PRIM2: variants seen among roughly 807,000 people sequenced by gnomAD.
The protein encoded by PRIM2 is DNA primase large subunit.
A neutral mutation model predicts 67.3 loss-of-function variants in PRIM2; 39 were observed. The ratio of observed to expected loss-of-function variants is 0.58; its 90% CI spans 0.45 to 0.76. The LOEUF (loss-of-function observed/expected upper bound fraction) is 0.76. Among genes scored for constraint, PRIM2 ranks in the 30% least tolerant of loss-of-function variants. The pLI, the probability that PRIM2 is intolerant of heterozygous loss-of-function variation, is 0.00. For missense variants in PRIM2, 398 were observed against 598.7 expected (o/e 0.66, Z 3.50); for synonymous variants, 143 against 198.7 (o/e 0.72, Z 2.36).
At chr6:57,422,408 A>G (rs998921434) in intron 7 of PRIM2, among the ~76,000 whole-genome samples, 2 of 152,040 alleles carry the variant, frequency 1.3e-5, no homozygotes, top group Non-Finnish European at 2.9e-5. Context: ...AAGTGCTGGG[A>G]TTACAGGTGT....
At chr6:57,439,563 C>G (rs969583926) in intron 7 of PRIM2, among the ~76,000 whole-genome samples, 1 of 151,316 alleles carries the variant, frequency 6.6e-6, no homozygotes, top group Non-Finnish European at 1.5e-5. Context: ...TTACAGGCAC[C>G]CGCCACCACG....
intron 7 of PRIM2, among the ~76,000 whole-genome samples, chr6:57,403,127 AG>A (rs1770767459): frequency 6.6e-6 from 1 of 152,142 alleles, no homozygotes; most frequent in Non-Finnish European, 1.5e-5. Flanking sequence ...GAAATATTTT[AG>A]GTTTTTGATA....
intron 7 of PRIM2, among the ~76,000 whole-genome samples, chr6:57,414,250 G>A (rs1408908821): frequency 6.6e-6 from 1 of 152,068 alleles, no homozygotes; most frequent in Non-Finnish European, 1.5e-5. Flanking sequence ...ATGCACAAAT[G>A]ATACTTATTT....
intron 7 of PRIM2, among the ~76,000 whole-genome samples, chr6:57,465,897 A>T (rs1254837949): frequency 6.6e-6 from 1 of 151,886 alleles, no homozygotes; most frequent in Non-Finnish European, 1.5e-5. Flanking sequence ...AGGTATACAC[A>T]TATCATGGTG....
the PRIM2 span, among the ~76,000 whole-genome samples, chr6:57,227,400 T>C: frequency 6.6e-6 from 1 of 152,188 alleles, no homozygotes; most frequent in Admixed American, 6.5e-5. Context: ...TCCCAGCACT[T>C]TGGGAGGCCA....
chr6:57,471,716 C>G (rs1327766742), intron 7 of PRIM2, among the ~76,000 whole-genome samples: 1 of 152,028 alleles, frequency 6.6e-6, no homozygotes, highest in Admixed American at 6.6e-5. Context: ...CATCTTTTTA[C>G]TTTTGTAAAG....
At chr6:57,268,972 T>C in the PRIM2 span, among the ~76,000 whole-genome samples, 1 of 151,920 alleles carries the variant, frequency 6.6e-6, no homozygotes, top group South Asian at 2.1e-4. Flanking sequence ...CTCATCATTT[T>C]TTATGGCTGC....
chr6:57,346,606 C>T (rs1768686676), intron 5 of PRIM2, among the ~76,000 whole-genome samples: 1 of 152,194 alleles, frequency 6.6e-6, no homozygotes, highest in Non-Finnish European at 1.5e-5. Context: ...GCGTGAGTCA[C>T]CACGCCCAGC....
intron 7 of PRIM2, among the ~76,000 whole-genome samples, chr6:57,484,618 C>G (rs1363859524): frequency 3.3e-5 from 5 of 152,108 alleles, no homozygotes; most frequent in Non-Finnish European, 7.4e-5. Context: ...GTTTCAGGGC[C>G]TTAAACTTGG....
chr6:57,533,480 A>G (rs1774934729), intron 9 of PRIM2, among the ~76,000 whole-genome samples: 1 of 152,216 alleles, frequency 6.6e-6, no homozygotes, highest in Non-Finnish European at 1.5e-5. Flanking sequence ...ATAAAAAAGT[A>G]CTTGCAGTTA....
chr6:57,610,368 A>G (rs2127494046), intron 12 of PRIM2, among the ~76,000 whole-genome samples: 1 of 152,336 alleles, frequency 6.6e-6, no homozygotes, highest in East Asian at 1.9e-4. Context: ...ACGCCTGGCC[A>G]AGAAATAGAT....
chr6:57,612,269 A>C (rs1183298941), intron 12 of PRIM2, among the ~76,000 whole-genome samples: 1 of 152,228 alleles, frequency 6.6e-6, no homozygotes, highest in Non-Finnish European at 1.5e-5. Context: ...ATAAGTCCAC[A>C]TAAAAATCTG....
chr6:57,234,995 AC>A, the PRIM2 span, among the ~76,000 whole-genome samples: 1 of 152,050 alleles, frequency 6.6e-6, no homozygotes, highest in Non-Finnish European at 1.5e-5. Context: ...CAACATAGCC[AC>A]CCCATCTCTA....
intron 7 of PRIM2, among the ~76,000 whole-genome samples, chr6:57,455,208 A>G (rs1191490816): frequency 4.6e-5 from 7 of 151,462 alleles, no homozygotes; most frequent in African/African-American, 9.7e-5. Context: ...ACTTCCAACT[A>G]TGTGGTCCAT....
chr6:57,644,920 G>C (rs1265825708), intron 13 of PRIM2, among the ~76,000 whole-genome samples: 1 of 152,128 alleles, frequency 6.6e-6, no homozygotes, highest in Admixed American at 6.6e-5. Context: ...AATTTGAAAT[G>C]ATACTCAAAA....
the PRIM2 span, among the ~76,000 whole-genome samples, chr6:57,263,121 C>T: frequency 5.9e-5 from 9 of 152,196 alleles, no homozygotes; most frequent in Admixed American, 5.2e-4. Flanking sequence ...TAGGAAACCA[C>T]ATTTCCTACC....
At chr6:57,487,343 C>T (rs1253457159) in intron 7 of PRIM2, among the ~76,000 whole-genome samples, 2 of 152,164 alleles carry the variant, frequency 1.3e-5, no homozygotes, top group Non-Finnish European at 2.9e-5. Flanking sequence ...TATTCTCCTG[C>T]TCAGGCTCCT....
intron 7 of PRIM2, among the ~76,000 whole-genome samples, chr6:57,399,055 T>A (rs1157048555): frequency 6.6e-6 from 1 of 152,176 alleles, no homozygotes; most frequent in Non-Finnish European, 1.5e-5. Context: ...ATCTATTTTA[T>A]TATACTTTAG....
the PRIM2 span, among the ~76,000 whole-genome samples, chr6:57,225,665 C>G: frequency 6.6e-6 from 1 of 152,124 alleles, no homozygotes; most frequent in African/African-American, 2.4e-5. Context: ...CTCGTTCTTT[C>G]ATTGTGTCTG....
Sources: allele counts gnomAD v4.1 joint callset (sites outside exome capture counted in the v4.1 genomes callset), GRCh38; gene constraint gnomAD v4.1.1; transcripts MANE v1.5; gene names NCBI Gene and HGNC (gene_info 2026-07-23, HGNC 2026-07-21).